The following NIPA1 variants were observed in gnomAD, a reference collection of about 807,000 sequenced individuals.
NIPA1 encodes NIPA magnesium transporter 1.
NIPA1 carries 13 observed loss-of-function variants against 23.9 expected under a neutral mutation model. That is an observed-to-expected ratio of 0.54 (90% CI 0.35 to 0.87). The LOEUF is 0.87. Among genes scored for constraint, NIPA1 ranks in the 40% least tolerant of loss-of-function variants. The pLI is 0.01. For synonymous variants in NIPA1, 234 were observed against 202.9 expected (o/e 1.15, Z -1.30); for missense variants, 362 against 429.7 (o/e 0.84, Z 1.39).
At position 22,824,145 on chromosome 15, in the gene NIPA1, C is replaced by T. The variant is rs756976675; in HGVS notation, c.896C>T (p.Thr299Met). Residue 299 changes from threonine to methionine, a missense_variant, in exon 5 of 5, where the codon ACG (threonine) becomes ATG (methionine). This residue lies in a region of NIPA1 where 277 missense variants were observed against 372.0 expected (regional missense o/e 0.74). Coordinates refer to ENST00000337435, the MANE Select transcript of NIPA1 (RefSeq NM_144599.5). This position sits in a 1 kb window ranked among gnomAD's most constrained non-coding sequence, Gnocchi z 4.1. ...VDFLGMACGF[T>M]TVSVGIVLIQ... Reference sequence around the variant, plus strand: ...TTCTTGGGGATGGCCTGTGGATTCACGACCGTCTCCGTGGGGATTGTCCTT... The same window carrying T: ...TTCTTGGGGATGGCCTGTGGATTCATGACCGTCTCCGTGGGGATTGTCCTT... 8.7e-6 allele frequency: 14 copies of T among 1,613,584 alleles called. No homozygotes were observed. Among genetic ancestry groups the T allele is most frequent in the South Asian group, 2.2e-5 (2 of 91,078 alleles).
intron 1 of NIPA1, among the ~76,000 whole-genome samples, chr15:22,787,538 G>C (rs1894735812): frequency 1.3e-5 from 2 of 152,236 alleles, no homozygotes; most frequent in Non-Finnish European, 2.9e-5. Flanking sequence ...TTCCCAGGTG[G>C]ATGTGCCGCA....
At chr15:22,819,894 A>G (rs1895502237) in intron 3 of NIPA1, among the ~76,000 whole-genome samples, 1 of 152,146 alleles carries the variant, frequency 6.6e-6, no homozygotes, top group South Asian at 2.1e-4. Flanking sequence ...TTATACATGG[A>G]ATTGGTGTGA....
At chr15:22,796,702 A>C (rs1224326991) in intron 1 of NIPA1, among the ~76,000 whole-genome samples, 9 of 152,168 alleles carry the variant, frequency 5.9e-5, no homozygotes, top group Admixed American at 5.9e-4. Flanking sequence ...GGAAATGTTC[A>C]GTCTCACACT....
In NIPA1 at chr15:22,823,984, C is replaced by T. The variant is rs372473999; in HGVS notation, c.735C>T (p.Phe245=). The change falls in exon 5 of 5, where the codon TTC becomes TTT. Residue 245 remains phenylalanine (F), a synonymous_variant. Transcript: ENST00000337435. The part of the protein sequence containing the change: ...AVLGCSIIVQ[F]RYINKALECF... The stretch of plus-strand genomic sequence containing the variant: ...TCGGCTGCAGCATCATCGTCCAGTT[C>T]AGGTACATCAACAAGGCGCTGGAGT... The T allele has an allele frequency of 1.9e-6, 3 of 1,614,078 alleles. No homozygotes were observed. The highest frequency in any genetic ancestry group is 2.7e-5 in the African/African-American group (2 of 74,944).
At chr15:22,802,644 G>C (rs1566780705) in intron 1 of NIPA1, among the ~76,000 whole-genome samples, 1 of 152,024 alleles carries the variant, frequency 6.6e-6, no homozygotes, top group Non-Finnish European at 1.5e-5. Context: ...ATATGCCTGT[G>C]TAACCAACAG....
chr15:22,817,788 G>A (rs1895456837), intron 3 of NIPA1, among the ~76,000 whole-genome samples: 1 of 146,372 alleles, frequency 6.8e-6, no homozygotes, highest in African/African-American at 2.5e-5. Flanking sequence ...CTGAGTGACA[G>A]AGCGAGACTG....
At chr15:22,813,348 A>G (rs1895355184) in intron 3 of NIPA1, among the ~76,000 whole-genome samples, 2 of 152,070 alleles carry the variant, frequency 1.3e-5, no homozygotes, top group Non-Finnish European at 2.9e-5. Context: ...TAATTGATAC[A>G]CATGAGTAAG....
intron 3 of NIPA1, among the ~76,000 whole-genome samples, chr15:22,819,658 ATTTTGT>A (rs1475605300): frequency 2.0e-5 from 3 of 151,882 alleles, no homozygotes; most frequent in Middle Eastern, 3.4e-3. Flanking sequence ...CACTTAATTT[ATTTTGT>A]TTTTATCATG....
intron 1 of NIPA1, among the ~76,000 whole-genome samples, chr15:22,800,260 A>AT (rs1895048449): frequency 6.6e-6 from 1 of 152,130 alleles, no homozygotes; most frequent in South Asian, 2.1e-4. Context: ...TTTTTTTGAA[A>AT]TAGATCCCAA....
chr15:22,822,927 T>TGC (rs1895569643), intron 4 of NIPA1, among the ~76,000 whole-genome samples: 2 of 136,064 alleles, frequency 1.5e-5, no homozygotes, highest in Admixed American at 1.4e-4. Flanking sequence ...TTTTTTTTTT[T>TGC]TTTTTTTTTG....
At chr15:22,802,790 A>C (rs1402484014) in intron 1 of NIPA1, among the ~76,000 whole-genome samples, 1 of 151,888 alleles carries the variant, frequency 6.6e-6, no homozygotes, top group Non-Finnish European at 1.5e-5. Flanking sequence ...GCTTCATATA[A>C]ATGGAATTAT....
At chr15:22,787,672 A>G (rs1894739371) in intron 1 of NIPA1, among the ~76,000 whole-genome samples, 2 of 152,160 alleles carry the variant, frequency 1.3e-5, no homozygotes, top group Admixed American at 6.5e-5. Flanking sequence ...GTCCGTTTCC[A>G]TTGCTTCCAG....
chr15:22,814,212 A>G (rs2140870279), intron 3 of NIPA1: 1 of 746,480 alleles, frequency 1.3e-6, no homozygotes, highest in Non-Finnish European at 2.0e-6. Flanking sequence ...AAAACAATCA[A>G]AGATGATTAT....
intron 1 of NIPA1, among the ~76,000 whole-genome samples, chr15:22,787,642 A>T (rs1003923398): frequency 2.0e-5 from 3 of 152,164 alleles, no homozygotes; most frequent in African/African-American, 2.4e-5. Context: ...CCAATGCAGG[A>T]TATGGCAGGC....
chr15:22,815,300 G>A (rs969233783), intron 3 of NIPA1, among the ~76,000 whole-genome samples: 1 of 152,106 alleles, frequency 6.6e-6, no homozygotes, highest in Admixed American at 6.6e-5. Flanking sequence ...CAATTGACCT[G>A]TTATGCCATT....
In NIPA1 at chr15:22,810,802, T is replaced by G; in HGVS notation, c.226+6T>G. ...GTGGGCTGGCACAATCGCAAGTAAG[T>G]AGCCTGTGTGGCGAAGTCTGGTCTT... is the stretch of plus-strand genomic sequence containing the variant. On this transcript the variant is annotated splice_donor_region_variant and intron_variant, in intron 2 of 4. Transcript: ENST00000337435. 1.2e-6 allele frequency: 2 copies of G among 1,604,038 alleles called. No individual in the cohort carries two copies. The highest frequency in any genetic ancestry group is 3.3e-5 in the Admixed American group (2 of 59,994).
At chr15:22,789,824 T>C (rs1481959668) in intron 1 of NIPA1, among the ~76,000 whole-genome samples, 1 of 151,996 alleles carries the variant, frequency 6.6e-6, no homozygotes, top group East Asian at 1.9e-4. Flanking sequence ...AGATGGAGTC[T>C]AGCTCTGTCA....
At chr15:22,809,149 G>A (rs2140865136) in intron 1 of NIPA1, among the ~76,000 whole-genome samples, 1 of 152,224 alleles carries the variant, frequency 6.6e-6, no homozygotes, top group South Asian at 2.1e-4. Flanking sequence ...CACTTTGGGA[G>A]GCTGAGGTGG....
In NIPA1 at chr15:22,820,319, T is replaced by C. The variant is rs748004567; in HGVS notation, c.324T>C (p.Ile108=). The C allele has an allele frequency of 1.9e-6, 3 of 1,610,212 alleles. No homozygotes were observed. The Admixed American group carries it at 5.0e-5, about 27-fold the overall frequency. Residue 108 remains isoleucine (I), a synonymous_variant, in exon 4 of 5, where the codon ATT becomes ATC. Coordinates refer to ENST00000337435, the MANE Select transcript of NIPA1 (RefSeq NM_144599.5). ...TTCTCTTTTTTCAATAAAGGTCCAT[T>C]TTAGCTTCCTATCTCCTGAAGGAAA... ...LGALGVPFGS[I]LASYLLKEKL...
Sources: allele counts gnomAD v4.1 joint callset (sites outside exome capture counted in the v4.1 genomes callset), GRCh38; gene constraint gnomAD v4.1.1; regional missense constraint gnomAD v4.1.1; non-coding constraint Gnocchi (gnomAD v3.1); transcripts MANE v1.5; gene names NCBI Gene and HGNC (gene_info 2026-07-23, HGNC 2026-07-21).